Variants in NRG1 observed in about 807,000 individuals in gnomAD.
NRG1 encodes the protein neuregulin 1, also known as pro-neuregulin-1, membrane-bound isoform.
Under a neutral mutation model 63.8 loss-of-function variants are expected in NRG1, and 18 were observed. The observed-to-expected ratio is 0.28, with a 90% CI of 0.19 to 0.42. NRG1 has a LOEUF of 0.42. Ranked by LOEUF, NRG1 falls within the 10% of genes least tolerant of loss-of-function variation. The probability of loss-of-function intolerance (pLI) is 1.00; values close to 1 mark genes in which losing one functional copy is unlikely to be tolerated. For synonymous variants in NRG1, 302 were observed against 301.3 expected, an observed-to-expected ratio of 1.00 and a Z score of -0.02; for missense variants, 762 against 814.7, an observed-to-expected ratio of 0.94 and a Z score of 0.79.
chr8:32,767,709 TTTTG>T (rs1451352982), exon 12 of NRG1: 33 of 152,314 alleles, frequency 2.2e-4, no homozygotes, highest in African/African-American at 7.7e-4. Flanking sequence ...ATATATGTTC[TTTTG>T]TTTTTCTTTG....
intron 1 of NRG1, among the ~76,000 whole-genome samples, chr8:31,950,173 G>C (rs1426875931): frequency 6.6e-6 from 1 of 152,238 alleles, no homozygotes; most frequent in Admixed American, 6.5e-5. Flanking sequence ...GATAGAACAG[G>C]GACAGTCTGA....
intron 1 of NRG1, among the ~76,000 whole-genome samples, chr8:32,130,913 G>A (rs1292599200): frequency 6.6e-6 from 1 of 151,968 alleles, no homozygotes; most frequent in Admixed American, 6.6e-5. Flanking sequence ...CTTCAAGGCA[G>A]TTTGCAGCTT....
intron 1 of NRG1, among the ~76,000 whole-genome samples, chr8:31,658,318 C>G (rs1038847297): frequency 1.3e-5 from 2 of 152,208 alleles, no homozygotes; most frequent in African/African-American, 2.4e-5. Flanking sequence ...ACCTCTCACT[C>G]TGTACTCATG....
At chr8:32,581,696 G>A (rs1424282492) in intron 1 of NRG1, among the ~76,000 whole-genome samples, 1 of 152,172 alleles carries the variant, frequency 6.6e-6, no homozygotes, top group African/African-American at 2.4e-5. Flanking sequence ...TTATTCGAAA[G>A]ACATAAATTG....
chr8:32,231,464 G>A (rs939731987), intron 1 of NRG1, among the ~76,000 whole-genome samples: 1 of 152,038 alleles, frequency 6.6e-6, no homozygotes, highest in African/African-American at 2.4e-5. Flanking sequence ...ATATAAAAAG[G>A]GAAATTGAAT....
At chr8:31,762,145 T>C (rs564357219) in intron 1 of NRG1, among the ~76,000 whole-genome samples, 41 of 152,350 alleles carry the variant, frequency 2.7e-4, no homozygotes, top group Non-Finnish European at 5.6e-4. Flanking sequence ...GTTGGTTACA[T>C]AGGTATACAT....
chr8:32,505,111 C>G (rs1016782507), intron 1 of NRG1, among the ~76,000 whole-genome samples: 2 of 152,092 alleles, frequency 1.3e-5, no homozygotes, highest in Admixed American at 1.3e-4. Context: ...TGCTGCGTAT[C>G]ATTGTTGTTA....
rs956120901 is a variant in NRG1 at position 31,963,112 on chromosome 8, G to A, written c.37+323681G>A. Among the ~76,000 whole-genome samples the A allele has an allele frequency of 3.9e-5, 6 of 152,290 alleles. No homozygotes were observed. In the South Asian group the frequency reaches 1.2e-3, roughly 32 times the overall value. The stretch of plus-strand genomic sequence containing the variant: ...CACTGAGATTTGTCTTTGTCGTATT[G>A]ATTACAATCATCTGTCAATGCCCTC... On this transcript the variant is annotated intron_variant, in intron 1 of 10. Transcript: ENST00000519301.
At chr8:32,743,648 T>A (rs1826894779) in intron 7 of NRG1, among the ~76,000 whole-genome samples, 2 of 148,972 alleles carry the variant, frequency 1.3e-5, no homozygotes, top group South Asian at 4.2e-4. Flanking sequence ...TGTTCGTGGC[T>A]TCCTGAAGTT....
chr8:31,856,634 A>G (rs1827904797), intron 1 of NRG1, among the ~76,000 whole-genome samples: 1 of 152,192 alleles, frequency 6.6e-6, no homozygotes. Flanking sequence ...TTCTCCATCC[A>G]GCTTTGTTCC....
At chr8:31,995,014 A>G (rs1811728328) in intron 1 of NRG1, among the ~76,000 whole-genome samples, 1 of 151,986 alleles carries the variant, frequency 6.6e-6, no homozygotes, top group South Asian at 2.1e-4. Context: ...CTGAATGTCA[A>G]AGCAACAGAT....
chr8:32,281,066 A>C (rs1198864694), intron 1 of NRG1, among the ~76,000 whole-genome samples: 1 of 151,614 alleles, frequency 6.6e-6, no homozygotes, highest in Non-Finnish European at 1.5e-5. Flanking sequence ...TTTTACGTTC[A>C]GATGGCACAT....
intron 5 of NRG1, among the ~76,000 whole-genome samples, chr8:32,691,294 A>G (rs1252978579): frequency 6.6e-6 from 1 of 152,176 alleles, no homozygotes. Context: ...GGGAGGTTGC[A>G]GTGAGCCGAG....
At chr8:31,644,121 A>G (rs1804065514) in intron 1 of NRG1, among the ~76,000 whole-genome samples, 1 of 152,242 alleles carries the variant, frequency 6.6e-6, no homozygotes, top group Non-Finnish European at 1.5e-5. Flanking sequence ...GAGATTTTCC[A>G]GTCAGCATTA....
chr8:31,912,298 G>T lies in NRG1; in HGVS notation c.37+272867G>T, dbSNP rs150733029. ...CTGCACCATCTTACTTTTTGGTACA[G>T]ATCTATTTACTATCTAGGAGTTGTG... On this transcript the variant is annotated intron_variant, in intron 1 of 10. Transcript: ENST00000519301. 6.2e-3 allele frequency among the ~76,000 whole-genome samples: 937 copies of T among 152,224 alleles called. 14 individuals are homozygous for T. The highest frequency in any genetic ancestry group is 0.02 in the African/African-American group (839 of 41,542).
intron 7 of NRG1, chr8:32,749,654 C>T: frequency 1.4e-6 from 2 of 1,434,408 alleles, no homozygotes; most frequent in Non-Finnish European, 1.9e-6. Context: ...TTTTTCCCTT[C>T]CTACTCTTAC....
chr8:32,154,462 A>T (rs974334277), intron 1 of NRG1, among the ~76,000 whole-genome samples: 1 of 143,072 alleles, frequency 7.0e-6, no homozygotes, highest in African/African-American at 2.6e-5. Flanking sequence ...ACCCCCCAGC[A>T]CTCCCTTCCC....
intron 1 of NRG1, among the ~76,000 whole-genome samples, chr8:32,398,609 C>A (rs1334638300): frequency 6.6e-6 from 1 of 151,968 alleles, no homozygotes; most frequent in East Asian, 1.9e-4. Context: ...CAGGGTTTTG[C>A]CATGTTGGTC....
intron 1 of NRG1, among the ~76,000 whole-genome samples, chr8:32,366,240 A>G (rs1016192828): frequency 1.3e-5 from 2 of 152,128 alleles, no homozygotes; most frequent in African/African-American, 4.8e-5. Context: ...GAAATATACA[A>G]TGTATTGTTA....
Sources: gnomAD v4.1 joint callset for allele counts (sites outside exome capture counted in the v4.1 genomes callset) on GRCh38, gnomAD v4.1.1 for gene constraint, MANE v1.5 for transcripts, NCBI Gene and HGNC (gene_info 2026-07-23, HGNC 2026-07-21) for gene names.